The following TET3 variants were observed in gnomAD, a reference collection of about 807,000 sequenced individuals.
TET3 encodes the protein tet methylcytosine dioxygenase 3, also known as methylcytosine dioxygenase TET3.
A neutral mutation model predicts 141.4 loss-of-function variants in TET3; 19 were observed. That is an observed-to-expected ratio of 0.13 (90% CI 0.09 to 0.20). The LOEUF is 0.20. Among genes scored for constraint, TET3 ranks in the 10% least tolerant of loss-of-function variants. TET3 has a pLI of 1.00. For missense variants in TET3, 1,874 were observed against 2,356.9 expected (o/e 0.80, Z 4.24); for synonymous variants, 1,043 against 980.9 (o/e 1.06, Z -1.18).
Position 74,105,219 on chromosome 2 carries a change from T to C in TET3, c.*3043T>C. On this transcript the variant is annotated 3_prime_UTR_variant, in exon 12 of 12. Transcript: ENST00000409262. The stretch of plus-strand genomic sequence containing the variant: ...TGACCAAGTTCGAAGAGTCATATTA[T>C]AGCAACGGAAATCGATGGCGTCTTA... 2 of 398,626 alleles carry C rather than the reference T, an allele frequency of 5.0e-6. No homozygotes were observed. Among genetic ancestry groups the C allele is most frequent in the East Asian group, 3.6e-5 (1 of 28,082 alleles). The allele number at this position is 398,626 out of a possible 1,614,324, so 24.7% of individuals were successfully genotyped here.
chr2:74,004,876 G>T, intron 3 of TET3, among the ~76,000 whole-genome samples: 1 of 152,208 alleles, frequency 6.6e-6, no homozygotes, highest in Non-Finnish European at 1.5e-5. Flanking sequence ...TGTTGGAGGG[G>T]TGTGGGCACA....
At chr2:74,061,959 T>C (rs1401868600) in intron 4 of TET3, among the ~76,000 whole-genome samples, 1 of 147,304 alleles carries the variant, frequency 6.8e-6, no homozygotes, top group Admixed American at 6.8e-5. Flanking sequence ...GCAGAGGGGC[T>C]CCTCACGTCC....
rs957883432 is a variant in TET3, at chr2:73,986,108, A to G, written c.-296A>G. Reference sequence around the variant, plus strand: ...CTGGGTCCAGGGTGGGTGAGGGTGAAGAACCCACCGGGCCAAGATGATCCC... The same window carrying G: ...CTGGGTCCAGGGTGGGTGAGGGTGAGGAACCCACCGGGCCAAGATGATCCC... On this transcript the variant is annotated 5_prime_UTR_variant, in exon 2 of 12. Transcript: ENST00000409262. The G allele has an allele frequency of 2.6e-5, 7 of 267,796 alleles. No individual in the cohort carries two copies. The highest frequency in any genetic ancestry group is 4.9e-5 in the Non-Finnish European group (7 of 143,282). The allele number at this position is 267,796 out of a possible 1,614,324, so 16.6% of individuals were successfully genotyped here. A position where few individuals can be genotyped will look rare whatever the true frequency, so the allele number is the denominator to read the frequency against.
intron 3 of TET3, among the ~76,000 whole-genome samples, chr2:74,039,308 T>C (rs1434223725): frequency 6.6e-6 from 1 of 152,222 alleles, no homozygotes; most frequent in Non-Finnish European, 1.5e-5. Flanking sequence ...TACCTGCTAC[T>C]TTCTCCAGCC....
chr2:74,122,455 A>ATGTGTGTG, the TET3 span: 2 of 122,694 alleles, frequency 1.6e-5, no homozygotes, highest in East Asian at 6.8e-4. Context: ...TGAAATATAT[A>ATGTGTGTG]TATGTGTGTG....
intron 3 of TET3, among the ~76,000 whole-genome samples, chr2:74,022,430 GT>G (rs943781426): frequency 2.1e-5 from 3 of 146,208 alleles, no homozygotes; most frequent in East Asian, 2.0e-4. Flanking sequence ...TTTGTTTTTT[GT>G]TTTTTTGTTT....
chr2:74,095,813 C>T (rs950107396), intron 10 of TET3, among the ~76,000 whole-genome samples: 1 of 152,240 alleles, frequency 6.6e-6, no homozygotes, highest in African/African-American at 2.4e-5. Context: ...CCATTCTTCT[C>T]ACGTATTTGT....
In TET3 at chr2:74,093,683, TCATAGCCCCACCTGTGGG is replaced by T. The variant is rs752807626; in HGVS notation, c.3267+18_3267+35del. ...TGCACCGTGGTAAGCCTGTGCCCTG[TCATAGCCCCACCTGTGGG>T]GCAACTGTGGGAGGGAGTCCACCGT... On this transcript the variant is annotated intron_variant, in intron 10 of 11. Coordinates refer to ENST00000409262, the MANE Select transcript of TET3 (RefSeq NM_001287491.2). This position sits in a 1 kb window ranked among gnomAD's most constrained non-coding sequence, Gnocchi z 4.2. The T allele has an allele frequency of 3.2e-6, 5 of 1,566,300 alleles. No individual in the cohort carries two copies. The highest frequency in any genetic ancestry group is 4.3e-6 in the Non-Finnish European group (5 of 1,151,640).
chr2:74,007,788 G>T (rs1314822622), intron 3 of TET3, among the ~76,000 whole-genome samples: 2 of 152,180 alleles, frequency 1.3e-5, no homozygotes, highest in Admixed American at 1.3e-4. Context: ...CTAAATCTGG[G>T]GAAGGACCAG....
intron 3 of TET3, among the ~76,000 whole-genome samples, chr2:74,028,153 AT>A (rs773997170): frequency 2.0e-5 from 3 of 151,660 alleles, no homozygotes; most frequent in Admixed American, 6.6e-5. Flanking sequence ...TGCCTGCCTA[AT>A]TTTAAAAAAA....
intron 4 of TET3, among the ~76,000 whole-genome samples, chr2:74,069,360 ATT>A (rs1274735484): frequency 2.7e-5 from 4 of 149,400 alleles, no homozygotes. Context: ...GTCAGGTATT[ATT>A]CTATCTTGTA....
intron 3 of TET3, among the ~76,000 whole-genome samples, chr2:74,029,000 C>G (rs1249470160): frequency 6.6e-6 from 1 of 152,194 alleles, no homozygotes; most frequent in Non-Finnish European, 1.5e-5. Context: ...GGCATGTCTT[C>G]AACCAGTGTT....
intron 2 of TET3, among the ~76,000 whole-genome samples, chr2:73,989,232 G>A (rs866924443): frequency 2.6e-5 from 4 of 152,074 alleles, no homozygotes; most frequent in Non-Finnish European, 5.9e-5. Context: ...AACATGTCCC[G>A]GGATTGGGGA....
chr2:74,109,563 A>C (rs1691652649), downstream of TET3, among the ~76,000 whole-genome samples: 2 of 152,232 alleles, frequency 1.3e-5, no homozygotes, highest in Non-Finnish European at 2.9e-5. Context: ...TATAAATTGA[A>C]CTAATCTAAA....
chr2:74,027,337 C>CTTTTT (rs10649560), intron 3 of TET3, among the ~76,000 whole-genome samples: 3 of 139,660 alleles, frequency 2.1e-5, no homozygotes, highest in Admixed American at 7.1e-5. Flanking sequence ...TGAGAAGTGA[C>CTTTTT]TTTTTTTTTT....
At chr2:74,033,697 G>A (rs1002090359) in intron 3 of TET3, among the ~76,000 whole-genome samples, 1 of 152,180 alleles carries the variant, frequency 6.6e-6, no homozygotes, top group Admixed American at 6.5e-5. Flanking sequence ...GTGTGTGATA[G>A]TATTATGGCT....
At chr2:74,082,036 G>A (rs1055502660) in intron 6 of TET3, among the ~76,000 whole-genome samples, 2 of 151,550 alleles carry the variant, frequency 1.3e-5, no homozygotes, top group East Asian at 1.9e-4. Context: ...CAGCCGTAGA[G>A]TGACAGCTGC....
intron 10 of TET3, among the ~76,000 whole-genome samples, chr2:74,099,016 A>G (rs1473303164): frequency 4.6e-5 from 7 of 152,244 alleles, no homozygotes. Flanking sequence ...CTTGCCAGGT[A>G]TCTCATCTCC....
chr2:74,057,502 A>G (rs1318922203), intron 4 of TET3, among the ~76,000 whole-genome samples: 2 of 152,266 alleles, frequency 1.3e-5, no homozygotes, highest in East Asian at 3.8e-4. Flanking sequence ...AAAGAATTTG[A>G]GCACTGTCCA....
Sources: gnomAD v4.1 joint callset for allele counts (sites outside exome capture counted in the v4.1 genomes callset) on GRCh38, gnomAD v4.1.1 for gene constraint, Gnocchi (gnomAD v3.1) non-coding constraint, MANE v1.5 for transcripts, NCBI Gene and HGNC (gene_info 2026-07-23, HGNC 2026-07-21) for gene names.